PUM1: variants seen among roughly 807,000 people sequenced by gnomAD.
The protein encoded by PUM1 is pumilio RNA binding family member 1, also known as pumilio homolog 1.
PUM1 carries 13 observed loss-of-function variants against 131.8 expected under a neutral mutation model. The ratio of observed to expected loss-of-function variants is 0.10; its 90% CI spans 0.06 to 0.16. PUM1 has a LOEUF of 0.16. PUM1 is among the 10% of genes least tolerant of loss of function. The probability of loss-of-function intolerance (pLI) is 1.00; values close to 1 mark genes in which losing one functional copy is unlikely to be tolerated. For missense variants in PUM1, 961 were observed against 1,512.4 expected (o/e 0.64, Z 6.05); for synonymous variants, 509 against 556.5 (o/e 0.91, Z 1.20).
At chr1:31,042,497 G>A (rs1430752342) in intron 2 of PUM1, among the ~76,000 whole-genome samples, 2 of 152,104 alleles carry the variant, frequency 1.3e-5, no homozygotes, top group African/African-American at 2.4e-5. Context: ...AAATAATTTC[G>A]ATTTCCAAGG....
intron 20 of PUM1, among the ~76,000 whole-genome samples, chr1:30,938,904 TAGAC>T (rs59153241): frequency 0.012 from 868 of 70,850 alleles, 4 homozygotes; most frequent in South Asian, 0.041. Flanking sequence ...GATAGATAGA[TAGAC>T]AGACAGACAG....
At chr1:31,021,850 A>C (rs1016880781) in intron 3 of PUM1, among the ~76,000 whole-genome samples, 2 of 152,124 alleles carry the variant, frequency 1.3e-5, no homozygotes, top group African/African-American at 4.8e-5. Flanking sequence ...AATATGCAGA[A>C]ACCAACCAGA....
intron 1 of PUM1, among the ~76,000 whole-genome samples, chr1:31,060,971 C>T (rs1644354852): frequency 6.6e-6 from 1 of 151,764 alleles, no homozygotes; most frequent in African/African-American, 2.4e-5. Flanking sequence ...ACAATAAAAC[C>T]CTCTGACCAA....
intron 18 of PUM1, among the ~76,000 whole-genome samples, chr1:30,943,390 G>A (rs1026131023): frequency 6.6e-6 from 1 of 152,036 alleles, no homozygotes; most frequent in Non-Finnish European, 1.5e-5. Flanking sequence ...AGCCTCCCAA[G>A]TAGCTGGGAT....
chr1:31,008,593 G>A (rs1391808442), intron 3 of PUM1, among the ~76,000 whole-genome samples: 1 of 151,994 alleles, frequency 6.6e-6, no homozygotes, highest in Non-Finnish European at 1.5e-5. Context: ...CACTAAACTG[G>A]ACAACTTTGA....
At chr1:30,963,707 A>G (rs1351612130) in intron 14 of PUM1, among the ~76,000 whole-genome samples, 1 of 152,228 alleles carries the variant, frequency 6.6e-6, no homozygotes, top group Non-Finnish European at 1.5e-5. Context: ...CTTGCTGGTT[A>G]AGAACAGAAT....
chr1:31,039,693 G>C (rs1195512357), intron 2 of PUM1, among the ~76,000 whole-genome samples: 2 of 151,186 alleles, frequency 1.3e-5, no homozygotes, highest in African/African-American at 4.9e-5. Context: ...CTGAGGTCAG[G>C]AGTTCAAGAC....
rs1487511086 is a variant in PUM1, at chr1:30,981,316, G to A, written c.1248C>T (p.His416=). 6.3e-6 allele frequency: 10 copies of A among 1,589,206 alleles called. No homozygotes were observed. The highest frequency in any genetic ancestry group is 8.6e-6 in the Non-Finnish European group (10 of 1,163,366). ...QYALAAAHQP[H]IGLAPAAFVP... The stretch of plus-strand genomic sequence containing the variant: ...GCTATGGGCTTAAGGACTTACCGAT[G>A]TGCGGCTGATGAGCAGCTGCCAGTG... The change falls in exon 8 of 22, where the codon CAC becomes CAT. Residue 416 remains histidine, a synonymous_variant. Transcript: ENST00000426105.
At chr1:31,048,464 T>C (rs183061108) in intron 2 of PUM1, among the ~76,000 whole-genome samples, 1 of 151,324 alleles carries the variant, frequency 6.6e-6, no homozygotes, top group East Asian at 1.9e-4. Flanking sequence ...CTTTTTTCTT[T>C]TTATTTTTAT....
chr1:30,960,651 A>G (rs1338679195), intron 14 of PUM1, among the ~76,000 whole-genome samples: 1 of 152,136 alleles, frequency 6.6e-6, no homozygotes, highest in Non-Finnish European at 1.5e-5. Context: ...TTGTAATAGC[A>G]TCAAAAATAT....
intron 14 of PUM1, among the ~76,000 whole-genome samples, chr1:30,957,087 T>TAC (rs58044891): frequency 0.026 from 3,648 of 139,910 alleles, 58 homozygotes; most frequent in South Asian, 0.039. Context: ...AGGACATTCA[T>TAC]ACACACACAC....
intron 10 of PUM1, among the ~76,000 whole-genome samples, chr1:30,973,544 CAAAAT>C (rs1207523148): frequency 6.6e-6 from 1 of 151,958 alleles, no homozygotes; most frequent in Non-Finnish European, 1.5e-5. Flanking sequence ...ATAGACTAGT[CAAAAT>C]AAAGTATCGT....
At chr1:30,949,816 A>G (rs955224251) in intron 17 of PUM1, among the ~76,000 whole-genome samples, 5 of 152,192 alleles carry the variant, frequency 3.3e-5, no homozygotes, top group Non-Finnish European at 7.3e-5. Context: ...TGTTGGAGAA[A>G]ATGATGGCTT....
At chr1:31,035,733 G>C (rs201640558) in intron 2 of PUM1, among the ~76,000 whole-genome samples, 3 of 151,608 alleles carry the variant, frequency 2.0e-5, no homozygotes, top group African/African-American at 7.3e-5. Flanking sequence ...CCTGGGCAAC[G>C]AGAGTGAAAC....
intron 2 of PUM1, among the ~76,000 whole-genome samples, chr1:31,053,542 G>C (rs1000731179): frequency 1.4e-5 from 2 of 147,050 alleles, no homozygotes; most frequent in African/African-American, 2.5e-5. Flanking sequence ...GCACAATCTC[G>C]GCTCACTGCA....
At chr1:31,038,984 A>ATATATATATATATATTTTTTTTTTTTTT in intron 2 of PUM1, among the ~76,000 whole-genome samples, 1 of 49,416 alleles carries the variant, frequency 2.0e-5, no homozygotes, top group African/African-American at 2.1e-4. Context: ...ATATATATAT[A>ATATATATATATATATTTTTTTTTTTTTT]TTTTTTTTTT....
At position 30,932,857 on chromosome 1, in the gene PUM1, T is replaced by G. The variant is rs1570059258; in HGVS notation, c.*354A>C. 1 of 156,140 alleles carries G rather than the reference T, an allele frequency of 6.4e-6. No homozygotes were observed. The highest frequency in any genetic ancestry group is 6.5e-5 in the Admixed American group (1 of 15,354). The allele number at this position is 156,140 out of a possible 1,614,324, so 9.7% of individuals were successfully genotyped here. ...TCTTTTTTTTTTAAAGCTTTTTTTT[T>G]TTGTTAAACCAACCACCCTGAAAGT... On this transcript the variant is annotated 3_prime_UTR_variant, in exon 22 of 22. Transcript: ENST00000426105.
chr1:30,945,510 A>G, intron 17 of PUM1, 27 bp from the exon 18 acceptor site: 1 of 1,613,346 alleles, frequency 6.2e-7, no homozygotes, highest in Non-Finnish European at 8.5e-7. Context: ...AAGCACCACC[A>G]GAATCACAGC....
intron 3 of PUM1, among the ~76,000 whole-genome samples, chr1:31,016,972 C>T (rs1011495886): frequency 2.6e-5 from 4 of 152,096 alleles, no homozygotes; most frequent in African/African-American, 9.7e-5. Context: ...ACACTTCCTC[C>T]ACTAAGGATG....
Sources: gnomAD v4.1 joint callset for allele counts (sites outside exome capture counted in the v4.1 genomes callset) on GRCh38, gnomAD v4.1.1 for gene constraint, MANE v1.5 for transcripts, NCBI Gene and HGNC (gene_info 2026-07-23, HGNC 2026-07-21) for gene names.